PTPRD: variants seen among roughly 807,000 people sequenced by gnomAD.
The protein encoded by PTPRD is protein tyrosine phosphatase receptor type D.
PTPRD carries 34 observed loss-of-function variants against 214.5 expected under a neutral mutation model. That is an observed-to-expected ratio of 0.16 (90% CI 0.12 to 0.21). The LOEUF is 0.21. Among genes scored for constraint, PTPRD ranks in the 10% least tolerant of loss-of-function variants. The pLI, the probability that PTPRD is intolerant of heterozygous loss-of-function variation, is 1.00. For synonymous variants in PTPRD, 1,128 were observed against 845.7 expected (o/e 1.33, Z -5.79); for missense variants, 2,545 against 2,398.7 (o/e 1.06, Z -1.27).
intron 2 of PTPRD, among the ~76,000 whole-genome samples, chr9:10,578,486 A>G (rs1052765560): frequency 6.6e-6 from 1 of 152,146 alleles, no homozygotes; most frequent in African/African-American, 2.4e-5. Context: ...ATATCCATCA[A>G]TACACGATTC....
At chr9:9,562,335 T>C (rs2083187922) in intron 8 of PTPRD, among the ~76,000 whole-genome samples, 1 of 152,158 alleles carries the variant, frequency 6.6e-6, no homozygotes, top group South Asian at 2.1e-4. Context: ...CTGCCACTAT[T>C]CTGGATGAAG....
At chr9:10,444,039 T>G (rs1034897990) in intron 2 of PTPRD, among the ~76,000 whole-genome samples, 7 of 151,748 alleles carry the variant, frequency 4.6e-5, no homozygotes, top group African/African-American at 1.7e-4. Flanking sequence ...CAAGTTAGAC[T>G]GTATAAATTG....
chr9:10,049,441 A>AAAAG lies in PTPRD; in HGVS notation c.-544-15652_-544-15651insCTTT, dbSNP rs199962288. 4.7e-3 allele frequency among the ~76,000 whole-genome samples: 526 copies of AAAAG among 110,952 alleles called. 1 individual carries two copies. The highest frequency in any genetic ancestry group is 0.014 in the African/African-American group (289 of 20,098). 72.8% of individuals were successfully genotyped at this position (110,952 alleles called of 152,430 possible). On this transcript the variant is annotated intron_variant, in intron 3 of 45. Transcript: ENST00000381196. ...AAAGAAAGAAAGAAAGAAAGAAAAG[A>AAAAG]AAAAAAAAAACCCTTCTATATGTGT...
chr9:8,384,897 G>A (rs968746175), intron 37 of PTPRD, among the ~76,000 whole-genome samples: 3 of 152,098 alleles, frequency 2.0e-5, no homozygotes, highest in Non-Finnish European at 2.9e-5. Flanking sequence ...TTTTCCTTCA[G>A]GGTTGATAGC....
chr9:8,737,677 C>A (rs781179112), intron 11 of PTPRD, among the ~76,000 whole-genome samples: 8 of 152,154 alleles, frequency 5.3e-5, no homozygotes, highest in Non-Finnish European at 8.8e-5. Context: ...GAGACAGAGT[C>A]TCACTCTCTG....
intron 8 of PTPRD, among the ~76,000 whole-genome samples, chr9:9,524,662 A>G (rs946522377): frequency 2.0e-5 from 3 of 152,146 alleles, no homozygotes; most frequent in African/African-American, 7.2e-5. Context: ...CAATTATTCT[A>G]TCCTTAACGT....
intron 7 of PTPRD, among the ~76,000 whole-genome samples, chr9:9,587,192 TACTTA>T (rs920682941): frequency 9.2e-5 from 14 of 151,998 alleles, no homozygotes; most frequent in African/African-American, 2.4e-4. Context: ...TCCAGCAAGT[TACTTA>T]ACTTAAGGAG....
In PTPRD at chr9:8,375,949, C is replaced by A; in HGVS notation, c.4648G>T (p.Val1550Phe). 1 of 1,612,272 alleles carries A rather than the reference C, an allele frequency of 6.2e-7. No individual in the cohort carries two copies. The highest frequency in any genetic ancestry group is 2.2e-5 in the East Asian group (1 of 44,836). ...TCNPPDAGPM[V>F]VHCSAGVGRT... Reference sequence around the variant, plus strand: ...AACGCTTCTTACCTGCAGTGCACAACCATCGGACCAGCATCGGGAGGGTTA... The same window carrying A: ...AACGCTTCTTACCTGCAGTGCACAAACATCGGACCAGCATCGGGAGGGTTA... The change falls in exon 39 of 46, where the codon GTT becomes TTT. Residue 1550 changes from valine to phenylalanine, a missense_variant. Physicochemically the swap from Val to Phe is conservative, Grantham distance 50. Transcript: ENST00000381196.
chr9:8,537,951 G>T (rs1463894478), intron 14 of PTPRD, among the ~76,000 whole-genome samples: 1 of 151,928 alleles, frequency 6.6e-6, no homozygotes, highest in Non-Finnish European at 1.5e-5. Context: ...CTGAGCAAAT[G>T]ATTACCCTTT....
At chr9:10,511,871 T>TGC (rs2048161374) in intron 2 of PTPRD, among the ~76,000 whole-genome samples, 1 of 88,422 alleles carries the variant, frequency 1.1e-5, no homozygotes, top group Non-Finnish European at 2.4e-5. Context: ...TGTGTGTGTG[T>TGC]GTGTGTGTAT....
intron 5 of PTPRD, among the ~76,000 whole-genome samples, chr9:9,827,248 C>T (rs1424358938): frequency 2.0e-5 from 3 of 152,050 alleles, no homozygotes; most frequent in African/African-American, 2.4e-5. Context: ...ACTACCTGAC[C>T]TCAAACTATC....
At chr9:8,926,397 C>T (rs1364045222) in intron 11 of PTPRD, among the ~76,000 whole-genome samples, 1 of 152,040 alleles carries the variant, frequency 6.6e-6, no homozygotes, top group East Asian at 1.9e-4. Context: ...ACACTAGGTC[C>T]TAGGCACTGT....
At chr9:10,273,622 C>A (rs1378101691) in intron 3 of PTPRD, among the ~76,000 whole-genome samples, 1 of 152,032 alleles carries the variant, frequency 6.6e-6, no homozygotes, top group African/African-American at 2.4e-5. Flanking sequence ...CATATGCAAT[C>A]CACAGTACAG....
chr9:10,424,313 T>TTCTCTC lies in PTPRD; in HGVS notation c.-599-83302_-599-83297dup, dbSNP rs35994999. ...TAAAGCTTGATAATATGGTTTCCTT[T>TTCTCTC]TCTCTCTCTCTCTCTCTCTCTCTCT... On this transcript the variant is annotated intron_variant, in intron 2 of 45. Coordinates refer to ENST00000381196, the MANE Select transcript of PTPRD (RefSeq NM_002839.4). Among the ~76,000 whole-genome samples the TTCTCTC allele has an allele frequency of 4.7e-3, 683 of 145,580 alleles. 5 individuals carry two copies. Among genetic ancestry groups the TTCTCTC allele is most frequent in the African/African-American group, 0.015 (622 of 40,140 alleles).
chr9:8,856,562 A>G (rs566490469), intron 11 of PTPRD, among the ~76,000 whole-genome samples: 1 of 152,140 alleles, frequency 6.6e-6, no homozygotes, highest in Non-Finnish European at 1.5e-5. Flanking sequence ...TAACTTTAAG[A>G]GGAAATACAA....
chr9:8,601,756 C>A (rs77091606), intron 14 of PTPRD, among the ~76,000 whole-genome samples: 226 of 152,178 alleles, frequency 1.5e-3, no homozygotes, highest in Non-Finnish European at 2.7e-3. Context: ...AATTCTTAAA[C>A]GAATAGCATA....
chr9:9,551,319 A>C (rs2080174778), intron 8 of PTPRD, among the ~76,000 whole-genome samples: 1 of 152,008 alleles, frequency 6.6e-6, no homozygotes, highest in East Asian at 1.9e-4. Context: ...TTAGAAATTC[A>C]GTATTTAAAT....
chr9:9,104,207 C>T (rs1334128178), intron 10 of PTPRD, among the ~76,000 whole-genome samples: 1 of 152,126 alleles, frequency 6.6e-6, no homozygotes, highest in Non-Finnish European at 1.5e-5. Flanking sequence ...TCAAAGCATT[C>T]AGACAATAGT....
At chr9:9,852,810 A>G (rs1456578087) in intron 5 of PTPRD, among the ~76,000 whole-genome samples, 1 of 152,162 alleles carries the variant, frequency 6.6e-6, no homozygotes, top group Admixed American at 6.6e-5. Flanking sequence ...TTCTTCAAAT[A>G]ATATTACAAA....
Sources: allele counts gnomAD v4.1 joint callset (sites outside exome capture counted in the v4.1 genomes callset), GRCh38; gene constraint gnomAD v4.1.1; transcripts MANE v1.5; gene names NCBI Gene and HGNC (gene_info 2026-07-23, HGNC 2026-07-21).